The following DPP6 variants were observed in gnomAD, a reference collection of about 807,000 sequenced individuals.
The protein encoded by DPP6 is A-type potassium channel modulatory protein DPP6.
Under a neutral mutation model 122.6 loss-of-function variants are expected in DPP6, and 69 were observed. The observed-to-expected ratio is 0.56, with a 90% CI of 0.46 to 0.69. DPP6 has a LOEUF of 0.69. Ranked by LOEUF, DPP6 falls within the 30% of genes least tolerant of loss-of-function variation. The pLI, the probability that DPP6 is intolerant of heterozygous loss-of-function variation, is 0.00. For synonymous variants in DPP6, 418 were observed against 433.1 expected, an observed-to-expected ratio of 0.97 and a Z score of 0.43; for missense variants, 928 against 1,116.9, an observed-to-expected ratio of 0.83 and a Z score of 2.41.
intron 1 of DPP6, among the ~76,000 whole-genome samples, chr7:154,307,069 G>C (rs550850251): frequency 1.3e-5 from 2 of 152,294 alleles, no homozygotes; most frequent in South Asian, 4.1e-4. Context: ...AATTACGAAA[G>C]AGTGCATTGC....
At chr7:154,131,398 C>G (rs142726828) in intron 1 of DPP6, among the ~76,000 whole-genome samples, 1 of 152,228 alleles carries the variant, frequency 6.6e-6, no homozygotes, top group South Asian at 2.1e-4. Context: ...CTTTTCCCTT[C>G]AGATATTCTC....
Position 154,769,501 on chromosome 7 carries a change from TC to T in DPP6, c.972del (p.Ile325SerfsTer15). 6.2e-7 allele frequency: 1 copy of T among 1,613,496 alleles called. No homozygotes were observed. Among genetic ancestry groups the T allele is most frequent in the Non-Finnish European group, 8.5e-7 (1 of 1,179,774 alleles). ...TACGCCGCCATCAATGATTCCCGTGTCCCCATCATGGAGCTCCCAACTTACA... is the reference window on the plus strand; with the variant it reads ...TACGCCGCCATCAATGATTCCCGTGTCCCATCATGGAGCTCCCAACTTACA... ...LAYAAINDSR[V>X]PIMELPTYTG... On this transcript the variant is annotated frameshift_variant, in exon 9 of 26. Coordinates refer to ENST00000377770, the MANE Select transcript of DPP6 (RefSeq NM_130797.4). LOFTEE classifies it high-confidence loss of function.
At chr7:154,691,613 A>T (rs570237445) in intron 7 of DPP6, among the ~76,000 whole-genome samples, 1 of 152,194 alleles carries the variant, frequency 6.6e-6, no homozygotes, top group African/African-American at 2.4e-5. Context: ...AGTTCAGGAG[A>T]TCGAGACTAT....
At chr7:154,659,814 G>T (rs545142221) in intron 6 of DPP6, among the ~76,000 whole-genome samples, 34 of 152,220 alleles carry the variant, frequency 2.2e-4, no homozygotes, top group Non-Finnish European at 3.7e-4. Flanking sequence ...AAGATTGAGA[G>T]GTTGAGAGAG....
chr7:154,038,232 AC>A (rs1799628068), intron 1 of DPP6, among the ~76,000 whole-genome samples: 1 of 144,178 alleles, frequency 6.9e-6, no homozygotes, highest in Admixed American at 6.8e-5. Context: ...CTGGTTATGA[AC>A]AGCAAAGGAG....
At chr7:154,213,122 G>A (rs1179571719) in intron 1 of DPP6, among the ~76,000 whole-genome samples, 2 of 152,150 alleles carry the variant, frequency 1.3e-5, no homozygotes, top group East Asian at 3.9e-4. Context: ...GATGGTCCAA[G>A]CAGTGTGGGT....
At chr7:153,802,718 A>C in the DPP6 span, among the ~76,000 whole-genome samples, 1 of 152,142 alleles carries the variant, frequency 6.6e-6, no homozygotes, top group Non-Finnish European at 1.5e-5. Flanking sequence ...CTGAAGAAAA[A>C]CCTGTTTTGA....
rs1300056520 is a variant in DPP6 at position 154,704,415 on chromosome 7, C to G, written c.763-23352C>G. On this transcript the variant is annotated intron_variant, in intron 7 of 25. Coordinates refer to ENST00000377770, the MANE Select transcript of DPP6 (RefSeq NM_130797.4). ...ATAAACATAGTTGAGAAAGAAGCAG[C>G]AGGGTTTGAAAGGACTGACTTCAAT... is the stretch of plus-strand genomic sequence containing the variant. Among the ~76,000 whole-genome samples the G allele has an allele frequency of 2.6e-5, 4 of 152,282 alleles. No individual in the cohort carries two copies. The East Asian group carries it at 5.8e-4, about 22-fold the overall frequency.
chr7:153,965,501 C>T (rs116841866), intron 1 of DPP6, among the ~76,000 whole-genome samples: 5,325 of 151,998 alleles, frequency 0.035, 116 homozygotes, highest in Admixed American at 0.047. Context: ...CTCCATGCAC[C>T]AATTCTTTTT....
At chr7:153,798,415 C>T in the DPP6 span, among the ~76,000 whole-genome samples, 1 of 152,208 alleles carries the variant, frequency 6.6e-6, no homozygotes, top group African/African-American at 2.4e-5. Context: ...TGTCCCACTG[C>T]CCAGTCCTCA....
chr7:153,812,908 TA>T, the DPP6 span, among the ~76,000 whole-genome samples: 1 of 151,886 alleles, frequency 6.6e-6, no homozygotes, highest in South Asian at 2.1e-4. Context: ...AGATTTATTT[TA>T]AAAAAAGAGA....
At position 154,727,836 on chromosome 7, in the gene DPP6, A is replaced by G. The variant is rs549158673; in HGVS notation, c.832A>G (p.Thr278Ala). 6.2e-7 allele frequency: 1 copy of G among 1,613,850 alleles called. No individual in the cohort carries two copies. Among genetic ancestry groups the G allele is most frequent in the Non-Finnish European group, 8.5e-7 (1 of 1,179,860 alleles). The change falls in exon 8 of 26, where the codon ACT (threonine) becomes GCT (alanine). Residue 278 changes from threonine to alanine, a missense_variant. Coordinates refer to ENST00000377770, the MANE Select transcript of DPP6 (RefSeq NM_130797.4). ...GAAACAGGCCATCCGTGTGGTCTCC[A>G]CTGGCAAGGAAGGTGTGATTTACAA... ...VGKQAIRVVS[T>A]GKEGVIYNGL...
the DPP6 span, among the ~76,000 whole-genome samples, chr7:153,778,952 G>A: frequency 1.2e-4 from 17 of 147,592 alleles, 1 homozygote; most frequent in South Asian, 8.4e-4. Flanking sequence ...ACAGGTGAGC[G>A]GATGAACAAA....
intron 17 of DPP6, among the ~76,000 whole-genome samples, chr7:154,857,312 C>A (rs555988424): frequency 3.9e-5 from 6 of 152,330 alleles, no homozygotes; most frequent in Admixed American, 1.3e-4. Context: ...TGAACACCCA[C>A]TTTTTCCCCA....
chr7:154,435,875 G>A (rs1033772866), intron 1 of DPP6, among the ~76,000 whole-genome samples: 1 of 152,198 alleles, frequency 6.6e-6, no homozygotes, highest in Non-Finnish European at 1.5e-5. Flanking sequence ...GAAGGAAGCA[G>A]TGTAATGGGA....
intron 5 of DPP6, among the ~76,000 whole-genome samples, chr7:154,570,339 C>T (rs1586651407): frequency 6.6e-6 from 1 of 152,048 alleles, no homozygotes; most frequent in African/African-American, 2.4e-5. Context: ...AATGTTATAT[C>T]ATTTCCCAGT....
At chr7:154,092,035 G>A (rs1455689745) in intron 1 of DPP6, among the ~76,000 whole-genome samples, 3 of 151,952 alleles carry the variant, frequency 2.0e-5, no homozygotes, top group Non-Finnish European at 4.4e-5. Context: ...TCAGGGGTGG[G>A]AGCTGTGCTT....
At chr7:154,106,840 G>A (rs1806197914) in intron 1 of DPP6, among the ~76,000 whole-genome samples, 1 of 152,156 alleles carries the variant, frequency 6.6e-6, no homozygotes, top group African/African-American at 2.4e-5. Flanking sequence ...GCCTCCGGAA[G>A]TGAGGGAAGG....
chr7:153,973,675 G>GTGTGTGTGTGTGTGTC (rs61194333), intron 1 of DPP6, among the ~76,000 whole-genome samples: 2 of 133,090 alleles, frequency 1.5e-5, no homozygotes, highest in African/African-American at 2.7e-5. Context: ...GTGTGTGTGT[G>GTGTGTGTGTGTGTGTC]TCTAATGGTA....
Sources: gnomAD v4.1 joint callset for allele counts (sites outside exome capture counted in the v4.1 genomes callset) on GRCh38, gnomAD v4.1.1 for gene constraint, MANE v1.5 for transcripts, NCBI Gene and HGNC (gene_info 2026-07-23, HGNC 2026-07-21) for gene names.